The following GAK variants were observed in gnomAD, a reference collection of about 807,000 sequenced individuals.
GAK encodes the protein cyclin G associated kinase, also known as cyclin-G-associated kinase.
Under a neutral mutation model 143.9 loss-of-function variants are expected in GAK, and 79 were observed. That is an observed-to-expected ratio of 0.55 (90% confidence interval 0.46 to 0.66). The LOEUF (loss-of-function observed/expected upper bound fraction) is 0.66. Among genes scored for constraint, GAK ranks in the 30% least tolerant of loss-of-function variants. The pLI is 0.00. For synonymous variants in GAK, 881 were observed against 765.5 expected, an observed-to-expected ratio of 1.15 and a Z score of -2.49; for missense variants, 1,693 against 1,779.7, an observed-to-expected ratio of 0.95 and a Z score of 0.88.
At chr4:929,771 T>G (rs982738346) in intron 1 of GAK, among the ~76,000 whole-genome samples, 1 of 152,058 alleles carries the variant, frequency 6.6e-6, no homozygotes, top group African/African-American at 2.4e-5. Context: ...AAAAACCCAT[T>G]CACACCACAA....
chr4:902,973 C>T (rs764904000), intron 5 of GAK, among the ~76,000 whole-genome samples: 15 of 152,264 alleles, frequency 9.9e-5, no homozygotes, highest in Non-Finnish European at 1.5e-4. Context: ...ACCCGTCAGA[C>T]TATACTCCCC....
intron 1 of GAK, among the ~76,000 whole-genome samples, chr4:929,390 C>A (rs986193197): frequency 6.6e-6 from 1 of 152,188 alleles, no homozygotes; most frequent in African/African-American, 2.4e-5. Flanking sequence ...TAGCAGTAAC[C>A]CCGAGTTCAA....
intron 7 of GAK, among the ~76,000 whole-genome samples, chr4:896,065 C>T (rs978192873): frequency 5.3e-5 from 8 of 152,238 alleles, no homozygotes; most frequent in South Asian, 2.1e-4. Flanking sequence ...AGTTCGAGAC[C>T]GGCCTGGGCG....
chr4:888,214 T>C (rs1716915463), intron 11 of GAK: 1 of 152,302 alleles, frequency 6.6e-6, no homozygotes, highest in South Asian at 2.1e-4. Context: ...CCGACGCCCT[T>C]GAGCTGGTGC....
chr4:895,596 C>T (rs17781499), intron 7 of GAK, among the ~76,000 whole-genome samples: 12 of 152,326 alleles, frequency 7.9e-5, no homozygotes, highest in African/African-American at 2.6e-4. Context: ...ACGGCTGACC[C>T]GGTCCGTAGG....
intron 15 of GAK, among the ~76,000 whole-genome samples, chr4:879,326 G>C (rs969990404): frequency 5.9e-5 from 9 of 152,218 alleles, no homozygotes; most frequent in African/African-American, 2.2e-4. Flanking sequence ...AACCACTCAT[G>C]TTCAGCCTGA....
intron 25 of GAK, 125 bp downstream of exon 25, chr4:851,625 G>C: frequency 1.0e-6 from 1 of 980,282 alleles, no homozygotes; most frequent in South Asian, 1.4e-5. Context: ...GTCGTTCTCT[G>C]AGTGGCTTGG....
At chr4:871,960 C>A (rs1357353019) in intron 18 of GAK, among the ~76,000 whole-genome samples, 2 of 152,144 alleles carry the variant, frequency 1.3e-5, no homozygotes, top group Non-Finnish European at 2.9e-5. Flanking sequence ...ATGTTATACA[C>A]CTAAGAAAAT....
intron 1 of GAK, among the ~76,000 whole-genome samples, chr4:923,789 G>A (rs1026543761): frequency 5.3e-5 from 8 of 152,180 alleles, no homozygotes; most frequent in Non-Finnish European, 8.8e-5. Flanking sequence ...ACAGCAGAGT[G>A]ACCACAGCTA....
At chr4:882,393 G>A (rs1277855427) in intron 14 of GAK, among the ~76,000 whole-genome samples, 1 of 152,214 alleles carries the variant, frequency 6.6e-6, no homozygotes, top group East Asian at 1.9e-4. Context: ...TGCAGATCGG[G>A]AAACTGGAAG....
chr4:867,463 T>G (rs760492613), intron 20 of GAK, 31 bp from the exon 21 acceptor site: 2 of 1,485,646 alleles, frequency 1.3e-6, no homozygotes, highest in South Asian at 2.7e-5. Flanking sequence ...CACAGGCTAG[T>G]GAGACCACAC....
intron 4 of GAK, among the ~76,000 whole-genome samples, chr4:905,458 TCCG>T: frequency 7.2e-6 from 1 of 137,946 alleles, no homozygotes; most frequent in African/African-American, 3.0e-5. Flanking sequence ...CGCTAGGGGC[TCCG>T]CCACGCCCCA....
At chr4:906,486 G>A (rs1256342272) in intron 4 of GAK, among the ~76,000 whole-genome samples, 2 of 152,132 alleles carry the variant, frequency 1.3e-5, no homozygotes, top group Non-Finnish European at 2.9e-5. Flanking sequence ...AGGACCTGCT[G>A]GGGACTGAAG....
intron 3 of GAK, 121 bp downstream of exon 3, chr4:912,614 A>G: frequency 8.1e-6 from 6 of 738,738 alleles, no homozygotes; most frequent in Admixed American, 2.6e-5. Context: ...CAAAAAGCCG[A>G]TTTTAACACA....
intron 2 of GAK, among the ~76,000 whole-genome samples, chr4:913,142 T>A (rs942765678): frequency 6.6e-6 from 1 of 152,206 alleles, no homozygotes; most frequent in Admixed American, 6.5e-5. Context: ...ATGCCCACTC[T>A]CAAAGGCGGG....
Position 849,655 on chromosome 4 carries a change from G to A in GAK, c.*18C>T. On this transcript the variant is annotated 3_prime_UTR_variant, in exon 28 of 28. Transcript: ENST00000314167. ...CCCAACCTGTGGAGCTGTGTGCGCA[G>A]CCACCACCACTGCGGCCTCAGAAGA... 6.3e-7 allele frequency: 1 copy of A among 1,590,714 alleles called. No homozygotes were observed.
At chr4:855,213 G>A (rs917214697) in intron 24 of GAK, among the ~76,000 whole-genome samples, 1 of 152,122 alleles carries the variant, frequency 6.6e-6, no homozygotes, top group East Asian at 1.9e-4. Flanking sequence ...CAGGCCGTGA[G>A]TGCAGCGTCC....
rs760927506 is a variant in GAK at position 870,767 on chromosome 4, T to C, written c.2192A>G (p.Asn731Ser). 2 of 1,614,036 alleles carry C rather than the reference T, an allele frequency of 1.2e-6. No homozygotes were observed. Among genetic ancestry groups the C allele is most frequent in the Non-Finnish European group, 1.7e-6 (2 of 1,179,988 alleles). The change falls in exon 19 of 28, where the codon AAC becomes AGC. Residue 731 changes from asparagine (N) to serine (S), a missense_variant. By Grantham distance (46) the Asn-to-Ser change is conservative. Coordinates refer to ENST00000314167, the MANE Select transcript of GAK (RefSeq NM_005255.4). ...PWENSSMRGL[N>S]PKILFSSREE... ...CCGGCTGGAAAACAGGATTTTGGGGTTCAGCCCCCTCATGCTCGAGTTCTC... is the reference window on the plus strand; with the variant it reads ...CCGGCTGGAAAACAGGATTTTGGGGCTCAGCCCCCTCATGCTCGAGTTCTC...
At chr4:902,561 GCTGC>G (rs1219789283) in intron 5 of GAK, among the ~76,000 whole-genome samples, 1 of 131,364 alleles carries the variant, frequency 7.6e-6, no homozygotes, top group Admixed American at 8.5e-5. Context: ...CGTCAGTGCC[GCTGC>G]ACTCCAGCCT....
Sources: allele counts gnomAD v4.1 joint callset (sites outside exome capture counted in the v4.1 genomes callset), GRCh38; gene constraint gnomAD v4.1.1; transcripts MANE v1.5; gene names NCBI Gene and HGNC (gene_info 2026-07-23, HGNC 2026-07-21).